The following GRXCR1 variants were observed in gnomAD, a reference collection of about 807,000 sequenced individuals.
GRXCR1 encodes the protein glutaredoxin and cysteine rich domain containing 1, also known as glutaredoxin domain-containing cysteine-rich protein 1.
GRXCR1 carries 27 observed loss-of-function variants against 27.3 expected under a neutral mutation model. The observed-to-expected ratio is 0.99, with a 90% CI of 0.73 to 1.37. The LOEUF (loss-of-function observed/expected upper bound fraction) is 1.37, where lower values mean the gene tolerates loss of function less well. GRXCR1 is among the 40% of genes most tolerant of loss of function. GRXCR1 has a pLI of 0.00. For missense variants in GRXCR1, 379 were observed against 354.4 expected (o/e 1.07, Z -0.56); for synonymous variants, 122 against 131.1 (o/e 0.93, Z 0.47).
At chr4:42,932,419 T>C (rs1383213204) in intron 1 of GRXCR1, among the ~76,000 whole-genome samples, 4 of 135,288 alleles carry the variant, frequency 3.0e-5, no homozygotes, top group African/African-American at 8.4e-5. Context: ...AGGGAGAAAA[T>C]ACATTACTCC....
intron 2 of GRXCR1, among the ~76,000 whole-genome samples, chr4:42,981,515 A>G (rs1389261446): frequency 2.0e-5 from 3 of 152,222 alleles, no homozygotes; most frequent in Non-Finnish European, 4.4e-5. Context: ...AATTTCATGT[A>G]TACTTTTACC....
rs566831781 is a variant in GRXCR1, at chr4:43,030,366, A to G, written c.699A>G (p.Val233=). 1.9e-6 allele frequency: 3 copies of G among 1,613,646 alleles called. No individual in the cohort carries two copies. The African/African-American group carries it at 4.0e-5, about 22-fold the overall frequency. The change falls in exon 4 of 4, where the codon GTA becomes GTG. Residue 233 remains valine, a synonymous_variant. Coordinates refer to ENST00000399770, the MANE Select transcript of GRXCR1 (RefSeq NM_001080476.3). ...TCCCCTGCCACCTTATACAGAGAGT[A>G]CAGCATCCACATGAGTGTCCCTCTT... is the stretch of plus-strand genomic sequence containing the variant. The part of the protein sequence containing the change: ...LQDILTKIER[V]QHPHECPSCG...
chr4:43,011,651 T>C (rs1712754272), intron 2 of GRXCR1, among the ~76,000 whole-genome samples: 1 of 152,156 alleles, frequency 6.6e-6, no homozygotes. Context: ...TGTTTTCTGC[T>C]AGGATCCTAA....
At chr4:42,906,554 T>C (rs1026461676) in intron 1 of GRXCR1, among the ~76,000 whole-genome samples, 5 of 152,114 alleles carry the variant, frequency 3.3e-5, no homozygotes, top group African/African-American at 1.2e-4. Flanking sequence ...AGGAGAATAA[T>C]GTTAGAAAAG....
chr4:42,969,731 G>A (rs549233026), intron 2 of GRXCR1, among the ~76,000 whole-genome samples: 1 of 152,004 alleles, frequency 6.6e-6, no homozygotes, highest in South Asian at 2.1e-4. Flanking sequence ...TGAGATTTGG[G>A]TGGGGATACA....
chr4:43,026,677 A>G (rs10000398), intron 3 of GRXCR1, among the ~76,000 whole-genome samples: 50,735 of 152,092 alleles, frequency 0.33, 8,738 homozygotes, highest in African/African-American at 0.42. Context: ...GGAAGACCAT[A>G]GATTTTGCTC....
At chr4:42,985,733 A>C (rs1489949094) in intron 2 of GRXCR1, among the ~76,000 whole-genome samples, 1 of 152,152 alleles carries the variant, frequency 6.6e-6, no homozygotes, top group Non-Finnish European at 1.5e-5. Context: ...TTATAAACAA[A>C]GTTTCAAATC....
chr4:43,004,900 G>T (rs997591421), intron 2 of GRXCR1, among the ~76,000 whole-genome samples: 5 of 152,204 alleles, frequency 3.3e-5, no homozygotes, highest in African/African-American at 1.2e-4. Context: ...TTGAGGGACT[G>T]TTGGCATGAT....
rs1577952597 is a variant in GRXCR1 at position 43,030,615 on chromosome 4, A to G, written c.*75A>G. The G allele has an allele frequency of 3.4e-6, 4 of 1,172,494 alleles. No homozygotes were observed. In the South Asian group the frequency reaches 5.1e-5, roughly 15 times the overall value. The allele number at this position is 1,172,494 out of a possible 1,614,324, so 72.6% of individuals were successfully genotyped here. A position where few individuals can be genotyped will look rare whatever the true frequency, so the allele number is the denominator to read the frequency against. On this transcript the variant is annotated 3_prime_UTR_variant, in exon 4 of 4. Coordinates refer to ENST00000399770, the MANE Select transcript of GRXCR1 (RefSeq NM_001080476.3). ...CTTTGGTTTATATATATATTTTTAA[A>G]TGGTTATGTTTATGGATTAATCAAT...
intron 1 of GRXCR1, among the ~76,000 whole-genome samples, chr4:42,917,801 A>C (rs990476076): frequency 6.6e-6 from 1 of 152,140 alleles, no homozygotes; most frequent in Non-Finnish European, 1.5e-5. Context: ...GGACAAGATA[A>C]AAATTAGACA....
At chr4:43,019,242 T>C (rs1713026437) in intron 2 of GRXCR1, among the ~76,000 whole-genome samples, 1 of 152,210 alleles carries the variant, frequency 6.6e-6, no homozygotes, top group African/African-American at 2.4e-5. Flanking sequence ...ATTTGGCACT[T>C]ATTTTTCATT....
At chr4:43,014,035 G>A (rs1186985190) in intron 2 of GRXCR1, among the ~76,000 whole-genome samples, 1 of 145,910 alleles carries the variant, frequency 6.9e-6, no homozygotes, top group African/African-American at 2.6e-5. Context: ...GACACCCAAA[G>A]GTCTGTATTA....
At chr4:42,946,743 A>G (rs922110960) in intron 1 of GRXCR1, among the ~76,000 whole-genome samples, 1 of 152,132 alleles carries the variant, frequency 6.6e-6, no homozygotes, top group Admixed American at 6.5e-5. Flanking sequence ...TTCTGCCTTC[A>G]TGACCTAATC....
chr4:43,003,852 C>T (rs1458076943), intron 2 of GRXCR1, among the ~76,000 whole-genome samples: 1 of 152,178 alleles, frequency 6.6e-6, no homozygotes, highest in Non-Finnish European at 1.5e-5. Context: ...GGAAAATTTG[C>T]AGCCTGACCA....
chr4:42,933,112 C>T (rs1166855553), intron 1 of GRXCR1, among the ~76,000 whole-genome samples: 2 of 151,864 alleles, frequency 1.3e-5, no homozygotes, highest in Non-Finnish European at 2.9e-5. Context: ...ATTAGGCAGA[C>T]ATGGCATGGT....
chr4:42,917,231 C>G (rs1374720658), intron 1 of GRXCR1, among the ~76,000 whole-genome samples: 2 of 152,056 alleles, frequency 1.3e-5, no homozygotes, highest in Non-Finnish European at 2.9e-5. Context: ...AAAATCTAAT[C>G]TGATTTTATT....
intron 1 of GRXCR1, among the ~76,000 whole-genome samples, chr4:42,903,308 ATTTTTTTTT>A (rs35512711): frequency 3.2e-5 from 2 of 63,228 alleles, no homozygotes; most frequent in South Asian, 1.2e-3. Flanking sequence ...AGCTTTGTAG[ATTTTTTTTT>A]TTTTTTTTTT....
intron 3 of GRXCR1, among the ~76,000 whole-genome samples, chr4:43,029,876 T>C (rs189104820): frequency 5.1e-4 from 78 of 152,336 alleles, no homozygotes; most frequent in African/African-American, 1.8e-3. Flanking sequence ...AAATGTACAA[T>C]ATAATTAGTA....
chr4:42,974,966 C>G (rs531134149), intron 2 of GRXCR1, among the ~76,000 whole-genome samples: 47 of 152,172 alleles, frequency 3.1e-4, no homozygotes, highest in African/African-American at 1.1e-3. Flanking sequence ...GTCTTATGAT[C>G]TCTGTTTTAA....
Sources: allele counts gnomAD v4.1 joint callset (sites outside exome capture counted in the v4.1 genomes callset), GRCh38; gene constraint gnomAD v4.1.1; transcripts MANE v1.5; gene names NCBI Gene and HGNC (gene_info 2026-07-23, HGNC 2026-07-21).